The following SCN2A variants were observed in gnomAD, a reference collection of about 807,000 sequenced individuals.
SCN2A encodes the protein sodium channel protein type 2 subunit alpha.
In SCN2A, 20 loss-of-function variants were observed where a neutral mutation model predicts 188.7. The ratio of observed to expected loss-of-function variants is 0.11; its 90% CI spans 0.07 to 0.15. SCN2A has a LOEUF of 0.15. Ranked by LOEUF, SCN2A falls within the 10% of genes least tolerant of loss-of-function variation. The probability of loss-of-function intolerance (pLI) is 1.00; values close to 1 mark genes in which losing one functional copy is unlikely to be tolerated. For synonymous variants in SCN2A, 804 were observed against 833.1 expected (o/e 0.97, Z 0.60); for missense variants, 1,278 against 2,445.0 (o/e 0.52, Z 10.07).
In SCN2A at chr2:165,384,608, CTG is replaced by C. The variant is rs1701772005; in HGVS notation, c.4552-2137_4552-2136del. ...ACTTACTATACTCTAGGAGCCATATCTGAGAGAAAAATGATACTGCTCCTGCT... is the reference window on the plus strand; with the variant it reads ...ACTTACTATACTCTAGGAGCCATATCAGAGAAAAATGATACTGCTCCTGCT... On this transcript the variant is annotated intron_variant, in intron 25 of 26. Transcript: ENST00000375437. Among the ~76,000 whole-genome samples the C allele has an allele frequency of 3.3e-5, 5 of 151,994 alleles. No homozygotes were observed. The South Asian group carries it at 1.0e-3, about 32-fold the overall frequency.
At chr2:165,277,834 G>T (rs1450050633) in intron 1 of SCN2A, among the ~76,000 whole-genome samples, 1 of 152,132 alleles carries the variant, frequency 6.6e-6, no homozygotes, top group East Asian at 1.9e-4. Context: ...ATGAGAGTTT[G>T]CTCAATGCTG....
At chr2:165,256,389 T>A (rs1694329652) in intron 1 of SCN2A, among the ~76,000 whole-genome samples, 1 of 152,186 alleles carries the variant, frequency 6.6e-6, no homozygotes, top group South Asian at 2.1e-4. Context: ...GTTCTTGAGA[T>A]TAGAATTCGT....
At chr2:165,366,717 C>CA (rs10680037) in intron 18 of SCN2A, among the ~76,000 whole-genome samples, 34,214 of 125,450 alleles carry the variant, frequency 0.27, 5,149 homozygotes, top group South Asian at 0.32. Flanking sequence ...GACTCCCTCT[C>CA]AAAAAAAAAA....
At chr2:165,370,435 G>A (rs554095167) in intron 20 of SCN2A, 136 bp downstream of exon 20, 2 of 912,472 alleles carry the variant, frequency 2.2e-6, no homozygotes, top group African/African-American at 3.3e-5. Context: ...TTCACAGTGA[G>A]AGGATGCCTC....
At chr2:165,240,364 G>T (rs1048047010) in intron 1 of SCN2A, among the ~76,000 whole-genome samples, 9 of 152,040 alleles carry the variant, frequency 5.9e-5, no homozygotes, top group African/African-American at 2.2e-4. Flanking sequence ...TATAGAAGGT[G>T]CTCACATTTT....
At chr2:165,298,205 G>T (rs1213132620) in intron 3 of SCN2A, among the ~76,000 whole-genome samples, 1 of 152,178 alleles carries the variant, frequency 6.6e-6, no homozygotes. Flanking sequence ...CCATGATGTG[G>T]TTAGCCCAGG....
chr2:165,324,942 C>T (rs1698272525), intron 12 of SCN2A, among the ~76,000 whole-genome samples: 1 of 152,178 alleles, frequency 6.6e-6, no homozygotes, highest in South Asian at 2.1e-4. Context: ...TTTCATACTA[C>T]TTACATCAGA....
At chr2:165,291,446 C>CTT (rs1454882788) in intron 1 of SCN2A, among the ~76,000 whole-genome samples, 3 of 24,776 alleles carry the variant, frequency 1.2e-4, no homozygotes, top group Non-Finnish European at 2.0e-4. Context: ...CTCTTTCTTT[C>CTT]TTTCTTTCTT....
chr2:165,365,248 G>C lies in SCN2A; in HGVS notation c.3505G>C (p.Ala1169Pro), dbSNP rs1026755220. The change falls in exon 18 of 27, where the codon GCC becomes CCC. Residue 1169 changes from alanine to proline, a missense_variant. Around this residue, in one of 17 missense-constraint regions of SCN2A, gnomAD observed 228 missense variants for 297.3 expected, o/e 0.77. Coordinates refer to ENST00000375437, the MANE Select transcript of SCN2A (RefSeq NM_001040142.2). ...ACCTGAGGAATCCCTTGAACCTGAA[G>C]CCTGTTTTACAGAAGGTAAGCAAAA... ...VEPEESLEPEACFTEDCVRKF... is the reference protein window; with the variant it reads ...VEPEESLEPEPCFTEDCVRKF... 2.4e-5 allele frequency: 38 copies of C among 1,613,720 alleles called. No individual in the cohort carries two copies. The East Asian group carries it at 8.2e-4, about 35-fold the overall frequency.
chr2:165,312,223 G>GA, intron 8 of SCN2A, 135 bp downstream of exon 8: 1 of 707,516 alleles, frequency 1.4e-6, no homozygotes, highest in Middle Eastern at 2.3e-4. Context: ...GTGACTCTCA[G>GA]AATAGCCAGG....
rs1327004252 is a variant in SCN2A, at chr2:165,255,417, T to C, written c.-52+15777T>C. ...ATTTTCCAGTTTAAAAAAATGTACA[T>C]GATTTGGTATTCACGTTAATTTAAA... On this transcript the variant is annotated intron_variant, in intron 1 of 26. Transcript: ENST00000375437. Among the ~76,000 whole-genome samples, 3 of 152,270 alleles carry C rather than the reference T, an allele frequency of 2.0e-5. No individual in the cohort carries two copies. In the East Asian group the frequency reaches 5.8e-4, roughly 29 times the overall value.
At chr2:165,244,333 C>T (rs559137007) in intron 1 of SCN2A, among the ~76,000 whole-genome samples, 12 of 152,170 alleles carry the variant, frequency 7.9e-5, no homozygotes, top group African/African-American at 2.9e-4. Context: ...GTGTTATCTC[C>T]TCTTTATCCA....
At chr2:165,312,754 TA>T (rs1296475440) in intron 8 of SCN2A, among the ~76,000 whole-genome samples, 1 of 152,124 alleles carries the variant, frequency 6.6e-6, no homozygotes, top group Non-Finnish European at 1.5e-5. Flanking sequence ...TAGGAAAATT[TA>T]AAAACACAGT....
chr2:165,313,785 T>C, intron 9 of SCN2A, 24 bp downstream of exon 9: 1 of 1,613,666 alleles, frequency 6.2e-7, no homozygotes, highest in East Asian at 2.2e-5. Context: ...AAATCATTTT[T>C]CTGAGAATCA....
In SCN2A at chr2:165,245,179, T is replaced by C. The variant is rs1574426089; in HGVS notation, c.-52+5539T>C. Among the ~76,000 whole-genome samples the C allele has an allele frequency of 2.0e-5, 3 of 152,292 alleles. No individual in the cohort carries two copies. In the Middle Eastern group the frequency reaches 0.01, roughly 518 times the overall value. On this transcript the variant is annotated intron_variant, in intron 1 of 26. Coordinates refer to ENST00000375437, the MANE Select transcript of SCN2A (RefSeq NM_001040142.2). ...TGTGATACAGTTTGGCTCTGTATCC[T>C]CACCCAAATCTCACCTTGAATTGTA...
intron 1 of SCN2A, chr2:165,273,150 A>T (rs951855122): frequency 6.6e-6 from 1 of 152,186 alleles, no homozygotes; most frequent in Non-Finnish European, 1.5e-5. Flanking sequence ...TAAATCTCTT[A>T]TAGCAATGTG....
intron 15 of SCN2A, among the ~76,000 whole-genome samples, chr2:165,343,234 T>C (rs750163209): frequency 1.3e-5 from 2 of 152,322 alleles, no homozygotes; most frequent in African/African-American, 4.8e-5. Flanking sequence ...TTTACCTTAG[T>C]AGTGATTAGG....
At chr2:165,308,621 A>G (rs1277822034) in intron 4 of SCN2A, 45 bp from the exon 5 acceptor site, 1 of 1,599,474 alleles carries the variant, frequency 6.3e-7, no homozygotes, top group Admixed American at 1.7e-5. Flanking sequence ...GTACTTGTAA[A>G]TTAACCACTA....
chr2:165,332,594 T>G (rs903670725), intron 14 of SCN2A, among the ~76,000 whole-genome samples: 2 of 152,050 alleles, frequency 1.3e-5, no homozygotes, highest in African/African-American at 2.4e-5. Context: ...GAGACTATCA[T>G]AAGCTATGGG....
Sources: gnomAD v4.1 joint callset for allele counts (sites outside exome capture counted in the v4.1 genomes callset) on GRCh38, gnomAD v4.1.1 for gene constraint, gnomAD v4.1.1 regional missense constraint, MANE v1.5 for transcripts, NCBI Gene and HGNC (gene_info 2026-07-23, HGNC 2026-07-21) for gene names.